Variants in BRINP3 observed in about 807,000 individuals in gnomAD.
BRINP3 encodes the protein BMP/retinoic acid inducible neural specific 3, also known as BMP/retinoic acid-inducible neural-specific protein 3.
BRINP3 carries 19 observed loss-of-function variants against 71.0 expected under a neutral mutation model. That is an observed-to-expected ratio of 0.27 (90% confidence interval 0.19 to 0.39). The LOEUF is 0.39. Among genes scored for constraint, BRINP3 ranks in the 10% least tolerant of loss-of-function variants. The pLI is 1.00. For synonymous variants in BRINP3, 380 were observed against 337.7 expected (o/e 1.13, Z -1.37); for missense variants, 959 against 940.8 (o/e 1.02, Z -0.25).
At chr1:190,221,521 A>C (rs1656892809) in intron 6 of BRINP3, among the ~76,000 whole-genome samples, 1 of 152,150 alleles carries the variant, frequency 6.6e-6, no homozygotes, top group African/African-American at 2.4e-5. Context: ...GACTAAAACG[A>C]ACCAGAAAAC....
At chr1:190,197,741 C>T (rs138905823) in intron 6 of BRINP3, among the ~76,000 whole-genome samples, 3 of 152,176 alleles carry the variant, frequency 2.0e-5, no homozygotes, top group African/African-American at 4.8e-5. Flanking sequence ...TGGCTGATTT[C>T]ACAGCTGGCA....
chr1:190,228,393 AC>A (rs1024143144), intron 5 of BRINP3, among the ~76,000 whole-genome samples: 1 of 151,936 alleles, frequency 6.6e-6, no homozygotes, highest in South Asian at 2.1e-4. Context: ...ACACAAAAAA[AC>A]CAAAGAACTC....
At chr1:190,476,019 A>G (rs1677476076) in intron 1 of BRINP3, 1 of 151,776 alleles carries the variant, frequency 6.6e-6, no homozygotes, top group African/African-American at 2.4e-5. Context: ...CTAGTGACCT[A>G]GTGACGGGTG....
intron 2 of BRINP3, among the ~76,000 whole-genome samples, chr1:190,407,233 T>A (rs555524104): frequency 6.6e-6 from 1 of 152,264 alleles, no homozygotes; most frequent in African/African-American, 2.4e-5. Context: ...GATCAGAATC[T>A]CTTTGATCAT....
Position 190,098,120 on chromosome 1 carries a change from C to T in BRINP3, c.2199G>A (p.Lys733=), listed in dbSNP as rs747741291. 6.2e-7 allele frequency: 1 copy of T among 1,614,132 alleles called. No individual in the cohort carries two copies. Among genetic ancestry groups the T allele is most frequent in the Non-Finnish European group, 8.5e-7 (1 of 1,180,030 alleles). The part of the protein sequence containing the change: ...LFSCLLRHRL[K]LSTSEVVRIQ... ...TCCTCACCACCTCACTAGTAGACAG[C>T]TTGAGTCTATGACGAAGCAAGCAAG... The change falls in exon 8 of 8, where the codon AAG becomes AAA. Residue 733 remains lysine, a synonymous_variant. Transcript: ENST00000367462.
At chr1:190,286,720 C>A (rs924019952) in intron 2 of BRINP3, among the ~76,000 whole-genome samples, 5 of 151,978 alleles carry the variant, frequency 3.3e-5, no homozygotes, top group Non-Finnish European at 7.4e-5. Context: ...ACAATAGAAT[C>A]TTAAAATAAA....
chr1:190,348,661 A>G (rs1376985638), intron 2 of BRINP3, among the ~76,000 whole-genome samples: 1 of 152,130 alleles, frequency 6.6e-6, no homozygotes, highest in African/African-American at 2.4e-5. Context: ...GCACTTTTAC[A>G]TCTTCCAAAG....
chr1:190,460,056 C>A (rs1007586668), intron 1 of BRINP3, among the ~76,000 whole-genome samples: 3 of 151,918 alleles, frequency 2.0e-5, no homozygotes, highest in Non-Finnish European at 4.4e-5. Flanking sequence ...TTCTCTTGAG[C>A]AAATACTACT....
chr1:190,324,775 G>A (rs1473150414), intron 2 of BRINP3, among the ~76,000 whole-genome samples: 2 of 151,806 alleles, frequency 1.3e-5, no homozygotes, highest in Non-Finnish European at 2.9e-5. Flanking sequence ...TGATTGTCAT[G>A]AGGATATTTT....
At chr1:190,317,006 C>T (rs1183187129) in intron 2 of BRINP3, among the ~76,000 whole-genome samples, 2 of 151,632 alleles carry the variant, frequency 1.3e-5, no homozygotes, top group South Asian at 2.1e-4. Context: ...AACCCCATCT[C>T]TACTAAAATA....
chr1:190,212,788 T>A (rs1656096143), intron 6 of BRINP3, among the ~76,000 whole-genome samples: 1 of 152,104 alleles, frequency 6.6e-6, no homozygotes, highest in African/African-American at 2.4e-5. Flanking sequence ...TTCAAGATAG[T>A]GATGTTTCCA....
intron 3 of BRINP3, among the ~76,000 whole-genome samples, chr1:190,273,230 C>T (rs890151920): frequency 4.0e-5 from 6 of 151,322 alleles, no homozygotes; most frequent in Non-Finnish European, 8.9e-5. Context: ...TGTTCAGATT[C>T]GAAAACTGAA....
chr1:190,235,591 C>G (rs1358206123), intron 4 of BRINP3, among the ~76,000 whole-genome samples: 2 of 151,968 alleles, frequency 1.3e-5, no homozygotes, highest in East Asian at 3.9e-4. Flanking sequence ...AAATCCGTCT[C>G]TTCTCTTATT....
At chr1:190,416,549 T>C (rs1418918046) in intron 2 of BRINP3, among the ~76,000 whole-genome samples, 1 of 152,154 alleles carries the variant, frequency 6.6e-6, no homozygotes, top group African/African-American at 2.4e-5. Flanking sequence ...TAGCATAGCA[T>C]GAAAGGCTTT....
chr1:190,335,943 C>T (rs988644766), intron 2 of BRINP3, among the ~76,000 whole-genome samples: 2 of 151,886 alleles, frequency 1.3e-5, no homozygotes, highest in Admixed American at 1.3e-4. Context: ...TATTTGTGAT[C>T]CCCAACAGTA....
At chr1:190,460,544 A>G (rs1434620094) in intron 1 of BRINP3, among the ~76,000 whole-genome samples, 1 of 152,130 alleles carries the variant, frequency 6.6e-6, no homozygotes, top group African/African-American at 2.4e-5. Flanking sequence ...AAAAAAATAA[A>G]TCTTATTGAT....
intron 2 of BRINP3, among the ~76,000 whole-genome samples, chr1:190,354,085 C>T (rs755783432): frequency 2.0e-5 from 3 of 151,976 alleles, no homozygotes; most frequent in Admixed American, 1.3e-4. Flanking sequence ...GTCACCATGT[C>T]CCCTTCCCTC....
chr1:190,475,435 C>A (rs1331792151), intron 1 of BRINP3, among the ~76,000 whole-genome samples: 2 of 152,186 alleles, frequency 1.3e-5, no homozygotes, highest in African/African-American at 4.8e-5. Context: ...GCGCACCCCA[C>A]TCTATGGGGC....
chr1:190,203,469 G>A (rs1465453392), intron 6 of BRINP3, among the ~76,000 whole-genome samples: 1 of 148,544 alleles, frequency 6.7e-6, no homozygotes, highest in African/African-American at 2.5e-5. Context: ...ATATGTGTGT[G>A]TGTGTGTGTG....
Sources: allele counts gnomAD v4.1 joint callset (sites outside exome capture counted in the v4.1 genomes callset), GRCh38; gene constraint gnomAD v4.1.1; transcripts MANE v1.5; gene names NCBI Gene and HGNC (gene_info 2026-07-23, HGNC 2026-07-21).